SNX18: variants seen among roughly 807,000 people sequenced by gnomAD.
SNX18 encodes sorting nexin-18.
A neutral mutation model predicts 48.7 loss-of-function variants in SNX18; 35 were observed. That is an observed-to-expected ratio of 0.72 (90% CI 0.55 to 0.95). The LOEUF (loss-of-function observed/expected upper bound fraction) is 0.95. Ranked by LOEUF, SNX18 falls within the 40% of genes least tolerant of loss-of-function variation. SNX18 has a pLI of 0.00. For synonymous variants in SNX18, 492 were observed against 384.7 expected, an observed-to-expected ratio of 1.28 and a Z score of -3.26; for missense variants, 824 against 871.0, an observed-to-expected ratio of 0.95 and a Z score of 0.68.
chr5:54,628,826 C>T, the SNX18 span, among the ~76,000 whole-genome samples: 1 of 152,212 alleles, frequency 6.6e-6, no homozygotes, highest in Non-Finnish European at 1.5e-5. Context: ...GCAGCTTTGG[C>T]CTTAGCCTCC....
intron 1 of SNX18, among the ~76,000 whole-genome samples, chr5:54,525,147 G>C (rs948374365): frequency 1.3e-5 from 2 of 152,252 alleles, no homozygotes; most frequent in Non-Finnish European, 2.9e-5. Context: ...TTGGCCAAGT[G>C]GGGGCACTTC....
At chr5:54,626,433 G>C in the SNX18 span, among the ~76,000 whole-genome samples, 1 of 152,158 alleles carries the variant, frequency 6.6e-6, no homozygotes. Flanking sequence ...TAGGATTACA[G>C]GCATGAGCCA....
the SNX18 span, among the ~76,000 whole-genome samples, chr5:54,612,095 G>T: frequency 1.3e-5 from 2 of 151,994 alleles, no homozygotes; most frequent in African/African-American, 4.8e-5. Flanking sequence ...TGCCCAGACT[G>T]ATCTTGAACT....
At chr5:54,625,070 T>G in the SNX18 span, among the ~76,000 whole-genome samples, 1 of 152,124 alleles carries the variant, frequency 6.6e-6, no homozygotes, top group South Asian at 2.1e-4. Flanking sequence ...AGAGCTTAAG[T>G]GGGATGTTAT....
At chr5:54,575,599 C>T in the SNX18 span, among the ~76,000 whole-genome samples, 6 of 151,940 alleles carry the variant, frequency 3.9e-5, no homozygotes, top group Admixed American at 1.3e-4. Context: ...CTCCTGACCT[C>T]GTGATCTGCC....
chr5:54,539,019 C>A (rs1375495183), intron 1 of SNX18, among the ~76,000 whole-genome samples: 1 of 152,068 alleles, frequency 6.6e-6, no homozygotes, highest in Non-Finnish European at 1.5e-5. Context: ...CCTTCATTGA[C>A]CATTTTATAT....
At chr5:54,611,827 G>T in the SNX18 span, among the ~76,000 whole-genome samples, 1 of 151,992 alleles carries the variant, frequency 6.6e-6, no homozygotes, top group African/African-American at 2.4e-5. Flanking sequence ...GTGAGGCAGG[G>T]TGCCTGGAGC....
chr5:54,585,228 G>C, the SNX18 span, among the ~76,000 whole-genome samples: 1 of 151,588 alleles, frequency 6.6e-6, no homozygotes, highest in East Asian at 1.9e-4. Flanking sequence ...GGAGTTCAAG[G>C]CTGCAGTGAG....
Position 54,518,578 on chromosome 5 carries a change from C to G in SNX18, c.626C>G (p.Ser209Trp). The change falls in exon 1 of 2, where the codon TCG becomes TGG. Residue 209 changes from serine to tryptophan, a missense_variant. Transcript: ENST00000381410. ...CTGTCCCTGGGTTCCCGCGGCGGCTCGGTCCCCCCGCAGCACCACCCGTCG... is the reference window on the plus strand; with the variant it reads ...CTGTCCCTGGGTTCCCGCGGCGGCTGGGTCCCCCCGCAGCACCACCCGTCG... ...SDLSLGSRGGSVPPQHHPSGP... is the reference protein window; with the variant it reads ...SDLSLGSRGGWVPPQHHPSGP... 1 of 1,580,334 alleles carries G rather than the reference C, an allele frequency of 6.3e-7. No homozygotes were observed. The highest frequency in any genetic ancestry group is 8.6e-7 in the Non-Finnish European group (1 of 1,164,024).
the SNX18 span, among the ~76,000 whole-genome samples, chr5:54,616,536 G>T: frequency 1.3e-5 from 2 of 152,150 alleles, no homozygotes; most frequent in African/African-American, 4.8e-5. Context: ...ACTTTGGGTG[G>T]CTGAGGCAGG....
the SNX18 span, among the ~76,000 whole-genome samples, chr5:54,597,956 G>T: frequency 8.3e-4 from 126 of 152,130 alleles, 2 homozygotes; most frequent in East Asian, 0.023. Flanking sequence ...TCAGGAGCTG[G>T]TTTTTTGAAA....
the SNX18 span, among the ~76,000 whole-genome samples, chr5:54,640,342 T>C: frequency 6.6e-6 from 1 of 152,044 alleles, no homozygotes; most frequent in Non-Finnish European, 1.5e-5. Flanking sequence ...TCCTCCCAAG[T>C]AGCTGGGACT....
the SNX18 span, among the ~76,000 whole-genome samples, chr5:54,556,299 C>A: frequency 6.6e-6 from 1 of 152,194 alleles, no homozygotes; most frequent in East Asian, 1.9e-4. Context: ...GACTTCTGAG[C>A]TAAAAATCAA....
the SNX18 span, among the ~76,000 whole-genome samples, chr5:54,613,053 G>T: frequency 1.3e-5 from 2 of 152,314 alleles, no homozygotes; most frequent in Admixed American, 1.3e-4. Context: ...TGCTTGTATT[G>T]TGACAATGGG....
the SNX18 span, among the ~76,000 whole-genome samples, chr5:54,587,417 G>A: frequency 2.7e-3 from 413 of 152,154 alleles, 5 homozygotes; most frequent in Admixed American, 0.018. Flanking sequence ...AATCTATTGC[G>A]TCTTCTGCTG....
chr5:54,647,119 T>C, the SNX18 span, among the ~76,000 whole-genome samples: 3 of 152,250 alleles, frequency 2.0e-5, no homozygotes, highest in African/African-American at 7.2e-5. Flanking sequence ...AACTACGCCT[T>C]AAATAAATAT....
chr5:54,607,080 T>C, the SNX18 span, among the ~76,000 whole-genome samples: 32 of 152,346 alleles, frequency 2.1e-4, no homozygotes, highest in Non-Finnish European at 3.7e-4. Flanking sequence ...TGCATTCTTT[T>C]GAGAAAGGCC....
At chr5:54,605,591 A>T in the SNX18 span, among the ~76,000 whole-genome samples, 5 of 152,330 alleles carry the variant, frequency 3.3e-5, 1 homozygote, top group Middle Eastern at 0.014. Context: ...AACCCAAGAT[A>T]TCCAGAATAG....
At chr5:54,594,799 A>T in the SNX18 span, among the ~76,000 whole-genome samples, 1 of 152,166 alleles carries the variant, frequency 6.6e-6, no homozygotes, top group Non-Finnish European at 1.5e-5. Context: ...CATAATACTC[A>T]ATAGTTTTTA....
Sources: gnomAD v4.1 joint callset for allele counts (sites outside exome capture counted in the v4.1 genomes callset) on GRCh38, gnomAD v4.1.1 for gene constraint, MANE v1.5 for transcripts, NCBI Gene and HGNC (gene_info 2026-07-23, HGNC 2026-07-21) for gene names.